Variants in NBPF12 observed in about 807,000 individuals in gnomAD.
NBPF12 encodes NBPF family member NBPF12.
NBPF12 carries 115 observed loss-of-function variants against 146.4 expected under a neutral mutation model. That is an observed-to-expected ratio of 0.79 (90% CI 0.68 to 0.92). The LOEUF (loss-of-function observed/expected upper bound fraction) is 0.92, where lower values mean the gene tolerates loss of function less well. Ranked by LOEUF, NBPF12 falls within the 40% of genes least tolerant of loss-of-function variation. The probability of loss-of-function intolerance (pLI) is 0.00; values close to 1 mark genes in which losing one functional copy is unlikely to be tolerated. For missense variants in NBPF12, 1,205 were observed against 1,326.8 expected, an observed-to-expected ratio of 0.91 and a Z score of 1.43; for synonymous variants, 385 against 508.9, an observed-to-expected ratio of 0.76 and a Z score of 3.28.
At chr1:146,954,999 T>C (rs1655517193) in intron 2 of NBPF12, among the ~76,000 whole-genome samples, 1 of 53,848 alleles carries the variant, frequency 1.9e-5, no homozygotes, top group Non-Finnish European at 3.4e-5. Flanking sequence ...TATATATATA[T>C]ATATATATAT....
rs1656238339 is a variant in NBPF12 at position 146,966,736 on chromosome 1, A to G, written c.988+63A>G. On this transcript the variant is annotated intron_variant, in intron 9 of 33. Coordinates refer to ENST00000617844, the Ensembl canonical transcript of NBPF12. ...CAACGTCCTGTCTTCTCTCTGAGAA[A>G]CTAAGTGCTCTCTCCATCAAAAATA... is the stretch of plus-strand genomic sequence containing the variant. The G allele has an allele frequency of 4.3e-6, 4 of 938,594 alleles. No homozygotes were observed. The East Asian group carries it at 7.1e-5, about 17-fold the overall frequency. The allele number at this position is 938,594 out of a possible 1,614,324, so 58.1% of individuals were successfully genotyped here.
intron 12 of NBPF12, among the ~76,000 whole-genome samples, chr1:146,970,970 G>T (rs1656572789): frequency 6.6e-6 from 1 of 151,344 alleles, no homozygotes; most frequent in Admixed American, 6.6e-5. Flanking sequence ...CCAGTGCACT[G>T]AACACCAGCT....
At chr1:146,987,642 A>C (rs1657860279) in intron 25 of NBPF12, among the ~76,000 whole-genome samples, 3 of 151,870 alleles carry the variant, frequency 2.0e-5, no homozygotes, top group South Asian at 4.1e-4. Flanking sequence ...CTCCCTCATC[A>C]GTGTGTCACC....
At chr1:146,974,356 G>A (rs1553887040) in intron 14 of NBPF12, among the ~76,000 whole-genome samples, 7,489 of 140,696 alleles carry the variant, frequency 0.053, 1,764 homozygotes, top group African/African-American at 0.19. Context: ...AGTTCTAGGA[G>A]CCTTCCTGAC....
At chr1:146,995,668 A>G (rs1658497644) in exon 34 of NBPF12, 3 of 149,640 alleles carry the variant, frequency 2.0e-5, no homozygotes, top group Non-Finnish European at 2.9e-5. Flanking sequence ...TTTTGCTGGG[A>G]ACACTGCAGA....
At chr1:146,958,018 TAATAC>T (rs1655681518) in intron 2 of NBPF12, among the ~76,000 whole-genome samples, 1 of 119,138 alleles carries the variant, frequency 8.4e-6, no homozygotes, top group African/African-American at 2.9e-5. Context: ...TATATATAAA[TAATAC>T]ATATACACGT....
chr1:146,955,301 T>C (rs1456345931), intron 2 of NBPF12, among the ~76,000 whole-genome samples: 1 of 31,634 alleles, frequency 3.2e-5, no homozygotes, highest in East Asian at 6.6e-4. Flanking sequence ...TGAAAAATGG[T>C]ATTGCTCCTT....
At chr1:146,976,616 A>C (rs1657047320) in intron 16 of NBPF12, among the ~76,000 whole-genome samples, 1 of 150,404 alleles carries the variant, frequency 6.6e-6, no homozygotes. Flanking sequence ...TGTTCCTGGG[A>C]ATCAGATCTG....
chr1:146,958,159 C>T (rs1655689731), intron 2 of NBPF12, among the ~76,000 whole-genome samples: 1 of 116,402 alleles, frequency 8.6e-6, no homozygotes, highest in African/African-American at 2.8e-5. Context: ...ATGACAGGCC[C>T]TGGTGTGTGA....
At chr1:146,944,642 A>G (rs1349277714), upstream of NBPF12, among the ~76,000 whole-genome samples, 1 of 151,860 alleles carries the variant, frequency 6.6e-6, no homozygotes, top group Non-Finnish European at 1.5e-5. Flanking sequence ...TTCAGGAGGA[A>G]GAAGGGGTTG....
At chr1:146,948,667 G>C (rs1475229643), upstream of NBPF12, among the ~76,000 whole-genome samples, 65 of 151,540 alleles carry the variant, frequency 4.3e-4, no homozygotes, top group South Asian at 1.2e-3. Context: ...CTCCCCATGT[G>C]ATAGTCTGAA....
rs1303030627 is a variant in NBPF12 at position 146,980,199 on chromosome 1, T to C, written c.2450+1189T>C. 3.9e-5 allele frequency among the ~76,000 whole-genome samples: 6 copies of C among 152,202 alleles called. 1 individual carries two copies. The highest frequency in any genetic ancestry group is 1.2e-4 in the African/African-American group (5 of 41,456). The stretch of plus-strand genomic sequence containing the variant: ...TTCCTCCATCCCTTTATTTTGAGCC[T>C]ATGTGTGTCTCTGCATGTGAGATGG... On this transcript the variant is annotated intron_variant, in intron 19 of 33. Transcript: ENST00000617844.
At chr1:146,959,302 G>A (rs1250118155) in intron 2 of NBPF12, among the ~76,000 whole-genome samples, 1 of 50,114 alleles carries the variant, frequency 2.0e-5, no homozygotes, top group Non-Finnish European at 3.4e-5. Context: ...GTGAAACCCC[G>A]TCTCTACTAA....
intron 33 of NBPF12, 25 bp from the exon 37 acceptor site, chr1:146,994,307 T>G (rs782752443): frequency 6.2e-7 from 1 of 1,611,530 alleles, no homozygotes; most frequent in Non-Finnish European, 8.5e-7. Flanking sequence ...CCTGGCTGCT[T>G]CTTTAGTTTT....
At chr1:146,966,339 A>G (rs1220176201) in intron 8 of NBPF12, 125 bp from the exon 12 acceptor site, 17 of 892,004 alleles carry the variant, frequency 1.9e-5, no homozygotes, top group Admixed American at 5.2e-5. Context: ...GACAAGAGTG[A>G]AACCAGGGAA....
At position 146,995,916 on chromosome 1, in the gene NBPF12, C is replaced by T. The variant is rs1425880905; in HGVS notation, c.*1341C>T. ...TTTTATCATTTATTAATCCTCCCTGCCTGTGTCTATTATTATATACATATC... is the reference window on the plus strand; with the variant it reads ...TTTTATCATTTATTAATCCTCCCTGTCTGTGTCTATTATTATATACATATC... On this transcript the variant is annotated 3_prime_UTR_variant, in exon 34 of 34. Transcript: ENST00000617844. 1.3e-4 allele frequency: 19 copies of T among 150,562 alleles called. 1 individual carries two copies. Among genetic ancestry groups the T allele is most frequent in the African/African-American group, 4.7e-4 (19 of 40,252 alleles). The allele number at this position is 150,562 out of a possible 1,614,324, so 9.3% of individuals were successfully genotyped here.
rs1273641005 is a variant in NBPF12 at position 146,974,443 on chromosome 1, G to A, written c.1802-296G>A. 8.3e-5 allele frequency among the ~76,000 whole-genome samples: 11 copies of A among 132,502 alleles called. 1 individual carries two copies. Among genetic ancestry groups the A allele is most frequent in the Admixed American group, 2.5e-4 (3 of 11,916 alleles). The allele number at this position is 132,502 out of a possible 152,430, so 86.9% of individuals were successfully genotyped here. A position where few individuals can be genotyped will look rare whatever the true frequency, so the allele number is the denominator to read the frequency against. On this transcript the variant is annotated intron_variant, in intron 14 of 33. Coordinates refer to ENST00000617844, the Ensembl canonical transcript of NBPF12. ...CTGCAAGTCTTGGGAAAGTGGCCCCGAATTCAGAGTCAGACCTCAGGGACT... is the reference window on the plus strand; with the variant it reads ...CTGCAAGTCTTGGGAAAGTGGCCCCAAATTCAGAGTCAGACCTCAGGGACT...
At chr1:146,961,264 G>C (rs1276066875) in intron 4 of NBPF12, among the ~76,000 whole-genome samples, 1 of 151,798 alleles carries the variant, frequency 6.6e-6, no homozygotes, top group Non-Finnish European at 1.5e-5. Context: ...GAGGAAGAAA[G>C]ATCACACCCG....
chr1:146,980,499 G>A (rs1353055078), intron 19 of NBPF12, among the ~76,000 whole-genome samples: 16 of 151,524 alleles, frequency 1.1e-4, no homozygotes, highest in South Asian at 2.1e-4. Context: ...AGCTCTTTTT[G>A]GGCAGGCCTG....
Sources: gnomAD v4.1 joint callset for allele counts (sites outside exome capture counted in the v4.1 genomes callset) on GRCh38, gnomAD v4.1.1 for gene constraint, MANE v1.5 for transcripts, NCBI Gene and HGNC (gene_info 2026-07-23, HGNC 2026-07-21) for gene names.